Variants in DGKI observed in about 807,000 individuals in gnomAD.
DGKI encodes the protein DAG kinase iota.
Under a neutral mutation model 147.5 loss-of-function variants are expected in DGKI, and 55 were observed. That is an observed-to-expected ratio of 0.37 (90% CI 0.30 to 0.47). The LOEUF is 0.47. Ranked by LOEUF, DGKI falls within the 20% of genes least tolerant of loss-of-function variation. The probability of loss-of-function intolerance (pLI) is 1.00; values close to 1 mark genes in which losing one functional copy is unlikely to be tolerated. For synonymous variants in DGKI, 469 were observed against 477.1 expected (o/e 0.98, Z 0.22); for missense variants, 1,007 against 1,323.8 (o/e 0.76, Z 3.71).
intron 21 of DGKI, among the ~76,000 whole-genome samples, chr7:137,494,546 C>T (rs1305756033): frequency 1.3e-5 from 2 of 152,156 alleles, no homozygotes; most frequent in Admixed American, 6.6e-5. Flanking sequence ...GAATTTCAAA[C>T]CAAGAATTCT....
intron 19 of DGKI, among the ~76,000 whole-genome samples, chr7:137,565,223 C>T (rs1292610538): frequency 6.6e-6 from 1 of 151,806 alleles, no homozygotes; most frequent in East Asian, 1.9e-4. Flanking sequence ...ATAAATTAGG[C>T]TATATTTATA....
chr7:137,611,354 G>A (rs1018666760), intron 8 of DGKI, among the ~76,000 whole-genome samples: 2 of 152,040 alleles, frequency 1.3e-5, no homozygotes, highest in African/African-American at 2.4e-5. Flanking sequence ...CTCGTGCCCG[G>A]GCCCCATCAA....
chr7:137,612,897 C>G (rs1820413496), intron 8 of DGKI, among the ~76,000 whole-genome samples: 1 of 152,086 alleles, frequency 6.6e-6, no homozygotes. Context: ...CTTCTGATTC[C>G]AACAGCAGTC....
chr7:137,759,467 G>A (rs1795789190), intron 1 of DGKI, among the ~76,000 whole-genome samples: 2 of 151,736 alleles, frequency 1.3e-5, no homozygotes, highest in South Asian at 2.1e-4. Flanking sequence ...TCAGCCTCCC[G>A]AGTAGCTGGG....
chr7:137,462,863 G>A (rs1054102276), intron 27 of DGKI, among the ~76,000 whole-genome samples: 1 of 152,104 alleles, frequency 6.6e-6, no homozygotes, highest in African/African-American at 2.4e-5. Flanking sequence ...GAGCACAAAG[G>A]TATCGACACT....
chr7:137,695,007 G>GT (rs1460973671), intron 1 of DGKI, among the ~76,000 whole-genome samples: 12 of 152,312 alleles, frequency 7.9e-5, no homozygotes, highest in African/African-American at 2.6e-4. Context: ...ACCAAAGGTT[G>GT]TGTTTTGTTT....
intron 3 of DGKI, among the ~76,000 whole-genome samples, chr7:137,667,491 G>A (rs1822680262): frequency 6.6e-6 from 1 of 152,092 alleles, no homozygotes; most frequent in Non-Finnish European, 1.5e-5. Flanking sequence ...GCCTTTTTCA[G>A]TCCTTGCTGG....
At chr7:137,582,008 CT>C in intron 14 of DGKI, 80 bp from the exon 15 acceptor site, 1 of 1,172,486 alleles carries the variant, frequency 8.5e-7, no homozygotes, top group Non-Finnish European at 1.3e-6. Context: ...AGCTGGACCC[CT>C]ATCTCTGAAG....
chr7:137,846,161 TCACACACACACACACA>T lies in DGKI; in HGVS notation c.401+285_401+300del, dbSNP rs58484819. On this transcript the variant is annotated intron_variant, in intron 1 of 32. Coordinates refer to ENST00000614521, the MANE Select transcript of DGKI (RefSeq NM_001321708.2). The surrounding 1 kb of genome is among the most constrained non-coding windows in gnomAD (Gnocchi z 4.0). ...CTCTCTCTCTCTCTCTCTCTCTCTCTCACACACACACACACACACACACACACACACACACACACAC... is the reference window on the plus strand; with the variant it reads ...CTCTCTCTCTCTCTCTCTCTCTCTCTCACACACACACACACACACACACAC... Among the ~76,000 whole-genome samples, 4 of 108,220 alleles carry T rather than the reference TCACACACACACACACA, an allele frequency of 3.7e-5. No individual in the cohort carries two copies. Among genetic ancestry groups the T allele is most frequent in the African/African-American group, 7.7e-5 (2 of 25,992 alleles). The allele number at this position is 108,220 out of a possible 152,430, so 71.0% of individuals were successfully genotyped here. A position where few individuals can be genotyped will look rare whatever the true frequency, so the allele number is the denominator to read the frequency against.
intron 26 of DGKI, among the ~76,000 whole-genome samples, chr7:137,464,224 T>C (rs1372638328): frequency 7.8e-5 from 10 of 127,526 alleles, no homozygotes; most frequent in African/African-American, 2.9e-4. Context: ...ACCACTGCAC[T>C]CCAGTCTGGG....
chr7:137,722,407 C>A (rs1038372151), intron 1 of DGKI: 2 of 1,612,082 alleles, frequency 1.2e-6, no homozygotes, highest in Admixed American at 1.7e-5. Flanking sequence ...GAGAAAACTG[C>A]GAGCCAGCAT....
chr7:137,539,374 G>A (rs1212397346), intron 20 of DGKI, among the ~76,000 whole-genome samples: 2 of 152,126 alleles, frequency 1.3e-5, no homozygotes, highest in Non-Finnish European at 2.9e-5. Flanking sequence ...CAGCAGAAAG[G>A]AAGGAACTCA....
chr7:137,492,466 T>G (rs950275322), intron 21 of DGKI, among the ~76,000 whole-genome samples: 1 of 152,126 alleles, frequency 6.6e-6, no homozygotes, highest in Non-Finnish European at 1.5e-5. Flanking sequence ...GGGGCTACCA[T>G]TCATCAGTTC....
intron 19 of DGKI, among the ~76,000 whole-genome samples, chr7:137,559,392 C>T (rs945161024): frequency 6.6e-6 from 1 of 152,052 alleles, no homozygotes; most frequent in Non-Finnish European, 1.5e-5. Context: ...ATTCTATAAT[C>T]ATGTTCTCAA....
At chr7:137,758,886 A>G (rs992706311) in intron 1 of DGKI, among the ~76,000 whole-genome samples, 1 of 152,074 alleles carries the variant, frequency 6.6e-6, no homozygotes, top group African/African-American at 2.4e-5. Flanking sequence ...CTTTTCCCAT[A>G]TAGGCGCTTT....
chr7:137,444,847 A>C (rs1813651969), intron 27 of DGKI, among the ~76,000 whole-genome samples: 1 of 152,324 alleles, frequency 6.6e-6, no homozygotes, highest in African/African-American at 2.4e-5. Flanking sequence ...TTGGAGATGA[A>C]TTCACCTCCA....
chr7:137,591,064 C>G (rs1477965591), intron 12 of DGKI, among the ~76,000 whole-genome samples: 1 of 152,178 alleles, frequency 6.6e-6, no homozygotes, highest in African/African-American at 2.4e-5. Flanking sequence ...AGAAGGTTGT[C>G]AGGAGTTCTC....
intron 23 of DGKI, among the ~76,000 whole-genome samples, chr7:137,483,273 T>G (rs1815435605): frequency 6.6e-6 from 1 of 152,058 alleles, no homozygotes; most frequent in African/African-American, 2.4e-5. Context: ...AGTAGTTTCA[T>G]AAACCTAGCT....
intron 28 of DGKI, among the ~76,000 whole-genome samples, chr7:137,436,361 A>C (rs1813286044): frequency 1.3e-5 from 2 of 152,120 alleles, no homozygotes; most frequent in South Asian, 4.1e-4. Flanking sequence ...TCTACCCAAT[A>C]AAAAGACCTC....
Sources: allele counts gnomAD v4.1 joint callset (sites outside exome capture counted in the v4.1 genomes callset), GRCh38; gene constraint gnomAD v4.1.1; non-coding constraint Gnocchi (gnomAD v3.1); transcripts MANE v1.5; gene names NCBI Gene and HGNC (gene_info 2026-07-23, HGNC 2026-07-21).